SCAMP1: variants seen among roughly 807,000 people sequenced by gnomAD.
SCAMP1 encodes the protein secretory carrier-associated membrane protein 1.
A neutral mutation model predicts 41.8 loss-of-function variants in SCAMP1; 15 were observed. The observed-to-expected ratio is 0.36, with a 90% CI of 0.24 to 0.55. The LOEUF (loss-of-function observed/expected upper bound fraction) is 0.55, where lower values mean the gene tolerates loss of function less well. Among genes scored for constraint, SCAMP1 ranks in the 20% least tolerant of loss-of-function variants. The pLI is 0.86. For synonymous variants in SCAMP1, 135 were observed against 136.8 expected, an observed-to-expected ratio of 0.99 and a Z score of 0.09; for missense variants, 341 against 412.6, an observed-to-expected ratio of 0.83 and a Z score of 1.50.
intron 6 of SCAMP1, among the ~76,000 whole-genome samples, chr5:78,432,655 T>G (rs1316580461): frequency 6.6e-6 from 1 of 151,998 alleles, no homozygotes; most frequent in East Asian, 1.9e-4. Flanking sequence ...TTTCTTGTTT[T>G]GGGGTGTTTG....
rs186807650 is a variant in SCAMP1, at chr5:78,465,779, T to G, written c.852+6417T>G. Among the ~76,000 whole-genome samples, 5 of 152,260 alleles carry G rather than the reference T, an allele frequency of 3.3e-5. No individual in the cohort carries two copies. In the East Asian group the frequency reaches 5.8e-4, roughly 18 times the overall value. On this transcript the variant is annotated intron_variant, in intron 8 of 8. Coordinates refer to ENST00000621999, the MANE Select transcript of SCAMP1 (RefSeq NM_004866.6). The stretch of plus-strand genomic sequence containing the variant: ...GGGGAATTGGCTGGTGAGGTCAGTC[T>G]GATATCAAGAGGGCAGGCCGGAACT...
chr5:78,447,635 T>A (rs1753084173), intron 6 of SCAMP1, among the ~76,000 whole-genome samples: 1 of 151,360 alleles, frequency 6.6e-6, no homozygotes, highest in South Asian at 2.1e-4. Context: ...AAACTGAAAA[T>A]AGAAAACTCC....
chr5:78,411,463 G>A (rs139437950), intron 2 of SCAMP1, among the ~76,000 whole-genome samples: 3 of 152,190 alleles, frequency 2.0e-5, no homozygotes, highest in African/African-American at 7.2e-5. Flanking sequence ...TAATCCCACT[G>A]CCCAGAAATA....
At chr5:78,418,139 G>T (rs1480776547) in intron 4 of SCAMP1, among the ~76,000 whole-genome samples, 1 of 151,838 alleles carries the variant, frequency 6.6e-6, no homozygotes, top group African/African-American at 2.4e-5. Context: ...CATTTTTAAA[G>T]GTTCTATAAT....
rs146462281 is a variant in SCAMP1 at position 78,376,820 on chromosome 5, G to A, written c.58-12017G>A. Among the ~76,000 whole-genome samples, 64 of 152,172 alleles carry A rather than the reference G, an allele frequency of 4.2e-4. 1 individual carries two copies. The highest frequency in any genetic ancestry group is 1.5e-3 in the African/African-American group (62 of 41,514). ...CAGATTGATCTCTGGGGTGGAGGAG[G>A]GATTTTTTTGTTTGTTTGTTTTTTG... On this transcript the variant is annotated intron_variant, in intron 1 of 8. Transcript: ENST00000621999.
At chr5:78,423,950 T>G (rs1198544564) in intron 6 of SCAMP1, among the ~76,000 whole-genome samples, 1 of 152,042 alleles carries the variant, frequency 6.6e-6, no homozygotes, top group African/African-American at 2.4e-5. Flanking sequence ...GTTCAAGCAG[T>G]TCTCCTGCCT....
intron 6 of SCAMP1, among the ~76,000 whole-genome samples, chr5:78,439,402 C>G (rs537306340): frequency 1.2e-4 from 18 of 149,462 alleles, no homozygotes; most frequent in African/African-American, 4.6e-4. Flanking sequence ...TCTTGTAAGG[C>G]AGGCCTAGTG....
At chr5:78,411,998 A>T (rs1267321173) in intron 2 of SCAMP1, among the ~76,000 whole-genome samples, 1 of 152,032 alleles carries the variant, frequency 6.6e-6, no homozygotes, top group African/African-American at 2.4e-5. Context: ...TTTGATTACT[A>T]ATGAGGTTGA....
chr5:78,461,991 G>T (rs1486170136), intron 8 of SCAMP1, among the ~76,000 whole-genome samples: 1 of 152,170 alleles, frequency 6.6e-6, no homozygotes, highest in Non-Finnish European at 1.5e-5. Flanking sequence ...GAAAAATGAT[G>T]TTGGTAATTT....
At chr5:78,457,473 G>T (rs892004693) in intron 7 of SCAMP1, among the ~76,000 whole-genome samples, 14 of 152,082 alleles carry the variant, frequency 9.2e-5, no homozygotes, top group Non-Finnish European at 1.8e-4. Flanking sequence ...CCCTGCTGGG[G>T]GGTGCCTCCC....
At position 78,460,993 on chromosome 5, in the gene SCAMP1, T is replaced by C. The variant is rs137911087; in HGVS notation, c.852+1631T>C. ...GTCTCAGCCTCTTGAGTAGCTAGGA[T>C]TACAGGTGTGCACCAGCATGCCTGG... On this transcript the variant is annotated intron_variant, in intron 8 of 8. Transcript: ENST00000621999. Among the ~76,000 whole-genome samples the C allele has an allele frequency of 8.7e-3, 1,316 of 151,952 alleles. 15 individuals are homozygous for C. Among genetic ancestry groups the C allele is most frequent in the African/African-American group, 0.03 (1,242 of 41,362 alleles).
chr5:78,392,597 T>C (rs1751548352), intron 2 of SCAMP1, among the ~76,000 whole-genome samples: 1 of 152,200 alleles, frequency 6.6e-6, no homozygotes, highest in African/African-American at 2.4e-5. Context: ...AAGTGAATAG[T>C]CTTGAGCAAG....
intron 7 of SCAMP1, among the ~76,000 whole-genome samples, chr5:78,455,016 G>A (rs1168622352): frequency 6.6e-6 from 1 of 151,950 alleles, no homozygotes. Context: ...ATTTCTGTGG[G>A]ATCAGTGGTG....
rs1164686959 is a variant in SCAMP1, at chr5:78,460,808, C to CTTTCTTTCTTTCTTTCTTTT, written c.852+1446_852+1447insTTTCTTTCTTTCTTTCTTTT. Among the ~76,000 whole-genome samples, 9 of 23,170 alleles carry CTTTCTTTCTTTCTTTCTTTT rather than the reference C, an allele frequency of 3.9e-4. 1 individual carries two copies. The East Asian group carries it at 7.5e-3, about 19-fold the overall frequency. 15.2% of individuals were successfully genotyped at this position (23,170 alleles called of 152,430 possible). A position where few individuals can be genotyped will look rare whatever the true frequency, so the allele number is the denominator to read the frequency against. ...TCCTTCCTTCCTTCCTTCCTTCCTC[C>CTTTCTTTCTTTCTTTCTTTT]CTTCCTTCCTTCCTTTCTTGTCTTT... On this transcript the variant is annotated intron_variant, in intron 8 of 8. Coordinates refer to ENST00000621999, the MANE Select transcript of SCAMP1 (RefSeq NM_004866.6).
At chr5:78,417,421 T>G (rs1752236030) in intron 4 of SCAMP1, among the ~76,000 whole-genome samples, 2 of 152,228 alleles carry the variant, frequency 1.3e-5, no homozygotes, top group South Asian at 2.1e-4. Context: ...AACTAAAAGT[T>G]GAACTGGGAC....
chr5:78,390,022 G>A (rs1332028609), intron 2 of SCAMP1, among the ~76,000 whole-genome samples: 2 of 152,214 alleles, frequency 1.3e-5, no homozygotes, highest in Non-Finnish European at 2.9e-5. Context: ...TAGAAAGTTA[G>A]TCAGTATGGG....
At chr5:78,467,228 T>A (rs1753770194) in intron 8 of SCAMP1, among the ~76,000 whole-genome samples, 1 of 152,144 alleles carries the variant, frequency 6.6e-6, no homozygotes, top group South Asian at 2.1e-4. Flanking sequence ...AGAAGAGGGC[T>A]TTGGGGAGAA....
chr5:78,446,825 G>A (rs910149950), intron 6 of SCAMP1, among the ~76,000 whole-genome samples: 2 of 152,146 alleles, frequency 1.3e-5, no homozygotes, highest in Non-Finnish European at 2.9e-5. Flanking sequence ...AAATCTGACT[G>A]ACATAGAAAA....
At chr5:78,387,237 G>A (rs1436562335) in intron 1 of SCAMP1, among the ~76,000 whole-genome samples, 4 of 152,008 alleles carry the variant, frequency 2.6e-5, no homozygotes, top group South Asian at 4.1e-4. Context: ...CTACTAGCTC[G>A]ATTTTATTGC....
Sources: allele counts gnomAD v4.1 joint callset (sites outside exome capture counted in the v4.1 genomes callset), GRCh38; gene constraint gnomAD v4.1.1; transcripts MANE v1.5; gene names NCBI Gene and HGNC (gene_info 2026-07-23, HGNC 2026-07-21).